The following COG4 variants were observed in gnomAD, a reference collection of about 807,000 sequenced individuals.
The protein encoded by COG4 is component of oligomeric golgi complex 4, also known as conserved oligomeric Golgi complex subunit 4.
A neutral mutation model predicts 95.1 loss-of-function variants in COG4; 65 were observed. The ratio of observed to expected loss-of-function variants is 0.68; its 90% CI spans 0.56 to 0.84. The LOEUF is 0.84. Ranked by LOEUF, COG4 falls within the 40% of genes least tolerant of loss-of-function variation. COG4 has a pLI of 0.00. For missense variants in COG4, 1,045 were observed against 989.1 expected, an observed-to-expected ratio of 1.06 and a Z score of -0.76; for synonymous variants, 421 against 374.8, an observed-to-expected ratio of 1.12 and a Z score of -1.42.
At chr16:70,496,092 A>G (rs1329054047) in intron 12 of COG4, among the ~76,000 whole-genome samples, 174 bp downstream of exon 12, 1 of 152,222 alleles carries the variant, frequency 6.6e-6, no homozygotes, top group Non-Finnish European at 1.5e-5. Context: ...GTCCCTGAGT[A>G]AGAAATAGTT....
chr16:70,505,197 C>CTTTTTT (rs767606425), intron 8 of COG4, among the ~76,000 whole-genome samples: 2 of 122,670 alleles, frequency 1.6e-5, no homozygotes, highest in Non-Finnish European at 3.4e-5. Flanking sequence ...TTTGGATTTT[C>CTTTTTT]TTTTTTTTTT....
At chr16:70,503,643 G>A (rs1463122182) in intron 8 of COG4, among the ~76,000 whole-genome samples, 1 of 119,136 alleles carries the variant, frequency 8.4e-6, no homozygotes, top group Non-Finnish European at 1.5e-5. Flanking sequence ...CGCCCAGGCT[G>A]GAGTGCAGTG....
intron 8 of COG4, chr16:70,501,320 G>T: frequency 1.8e-6 from 1 of 563,074 alleles, no homozygotes. Flanking sequence ...AATTCTGCCA[G>T]ACCTAAATAA....
intron 8 of COG4, among the ~76,000 whole-genome samples, chr16:70,502,406 C>T (rs1455791174): frequency 6.7e-6 from 1 of 150,134 alleles, no homozygotes; most frequent in East Asian, 2.0e-4. Context: ...ACCAGCCTAA[C>T]CTAACCAAAA....
chr16:70,514,430 A>G lies in COG4; in HGVS notation c.449T>C (p.Leu150Ser). 1 of 1,614,020 alleles carries G rather than the reference A, an allele frequency of 6.2e-7. No individual in the cohort carries two copies. The highest frequency in any genetic ancestry group is 8.5e-7 in the Non-Finnish European group (1 of 1,179,930). ...KFCMDGVQTA[L>S]RSEDYEQAAA... The stretch of plus-strand genomic sequence containing the variant: ...AGCCTGCTCATAATCTTCACTCCTC[A>G]AAGCAGTCTGAACTCCATCCATGCA... Residue 150 changes from leucine to serine, a missense_variant, in exon 4 of 19, where the codon TTG becomes TCG. Physicochemically the swap from Leu to Ser is moderately radical, Grantham distance 145. Coordinates refer to ENST00000323786, the MANE Select transcript of COG4 (RefSeq NM_015386.3).
Position 70,523,403 on chromosome 16 carries a change from C to G in COG4, c.141G>C (p.Glu47Asp). Residue 47 changes from glutamate (E) to aspartate (D), a missense_variant, in exon 1 of 19, where the codon GAG (glutamate) becomes GAC (aspartate). Transcript: ENST00000323786. Reference protein sequence around the residue: ...IRSLTELQELEAVYERLCGEE... With the variant: ...IRSLTELQELDAVYERLCGEE... ...CGCCGCAGAGCCGTTCGTATACAGC[C>G]TCCAGCTCCTGCAGCTCTGTCAGGG... 6.2e-7 allele frequency: 1 copy of G among 1,614,198 alleles called. No homozygotes were observed. Among genetic ancestry groups the G allele is most frequent in the East Asian group, 2.2e-5 (1 of 44,890 alleles).
At chr16:70,493,363 G>A (rs1448373311) in intron 12 of COG4, among the ~76,000 whole-genome samples, 1 of 151,878 alleles carries the variant, frequency 6.6e-6, no homozygotes, top group East Asian at 1.9e-4. Flanking sequence ...AGCCATGTGT[G>A]GCTATTGAGC....
Position 70,497,183 on chromosome 16 carries a change from C to G in COG4, c.1481+38G>C, listed in dbSNP as rs192459602. The G allele has an allele frequency of 3.1e-5, 50 of 1,603,272 alleles. 1 individual carries two copies. The African/African-American group carries it at 4.1e-4, about 13-fold the overall frequency. On this transcript the variant is annotated intron_variant, in intron 11 of 18. Transcript: ENST00000323786. ...GGGCCTCAGGAATCAACAGGAAGGG[C>G]CTTTCTGCCTAGAAAGGAGAAAGGG... is the stretch of plus-strand genomic sequence containing the variant.
chr16:70,483,993 AC>A, intron 13 of COG4, 24 bp from the exon 14 acceptor site: 2 of 1,543,692 alleles, frequency 1.3e-6, no homozygotes, highest in Middle Eastern at 1.7e-4. Context: ...CTGCTGTAAG[AC>A]CACCGAGCAC....
In COG4 at chr16:70,523,343, C is replaced by A. The variant is rs771136358; in HGVS notation, c.171+30G>T. ...AAGGCTCCCACTCTCCCTAGATCCT[C>A]CATGAAAAAGAAGAGGCTCGACCCC... is the stretch of plus-strand genomic sequence containing the variant. On this transcript the variant is annotated intron_variant, in intron 1 of 18. Transcript: ENST00000323786. 8.1e-6 allele frequency: 13 copies of A among 1,613,572 alleles called. No homozygotes were observed. In the South Asian group the frequency reaches 1.4e-4, roughly 18 times the overall value.
Position 70,523,388 on chromosome 16 carries a change from C to A in COG4, c.156G>T (p.Arg52=). ...GACCCCGCACCTCCTCGCCGCAGAG[C>A]CGTTCGTATACAGCCTCCAGCTCCT... ...ELQELEAVYE[R]LCGEEKVVER... The change falls in exon 1 of 19, where the codon CGG becomes CGT. Residue 52 remains arginine (R), a synonymous_variant. Transcript: ENST00000323786. 1 of 1,614,186 alleles carries A rather than the reference C, an allele frequency of 6.2e-7. No individual in the cohort carries two copies. The highest frequency in any genetic ancestry group is 8.5e-7 in the Non-Finnish European group (1 of 1,180,036).
In COG4 at chr16:70,501,105, A is replaced by G; in HGVS notation, c.1062-14T>C. ...GGGTCCAGTTCTCTGAGACACATGG[A>G]GCAGAAGGAATAGGACGACAATGGA... On this transcript the variant is annotated splice_polypyrimidine_tract_variant and intron_variant, in intron 8 of 18. Coordinates refer to ENST00000323786, the MANE Select transcript of COG4 (RefSeq NM_015386.3). The G allele has an allele frequency of 6.2e-7, 1 of 1,612,242 alleles. No homozygotes were observed. Among genetic ancestry groups the G allele is most frequent in the South Asian group, 1.1e-5 (1 of 91,070 alleles).
At position 70,480,922 on chromosome 16, in the gene COG4, G is replaced by A; in HGVS notation, c.*88C>T. 2 of 1,510,882 alleles carry A rather than the reference G, an allele frequency of 1.3e-6. No homozygotes were observed. Among genetic ancestry groups the A allele is most frequent in the Non-Finnish European group, 1.8e-6 (2 of 1,098,574 alleles). The allele number at this position is 1,510,882 out of a possible 1,614,324, so 93.6% of individuals were successfully genotyped here. A position where few individuals can be genotyped will look rare whatever the true frequency, so the allele number is the denominator to read the frequency against. On this transcript the variant is annotated 3_prime_UTR_variant, in exon 19 of 19. Transcript: ENST00000323786. ...GTCTGGGCTGTCAGATCTCCCCCAAGCCAGACAGCCTCGCTCAGCTCCTTG... is the reference window on the plus strand; with the variant it reads ...GTCTGGGCTGTCAGATCTCCCCCAAACCAGACAGCCTCGCTCAGCTCCTTG...
chr16:70,483,238 A>C (rs1423269614), intron 14 of COG4, among the ~76,000 whole-genome samples: 2 of 22,520 alleles, frequency 8.9e-5, no homozygotes, highest in Non-Finnish European at 1.5e-4. Flanking sequence ...TCCTCTCCCC[A>C]CCGCATCCCC....
chr16:70,501,075 G>T lies in COG4; in HGVS notation c.1078C>A (p.Leu360Met). 1 of 1,613,672 alleles carries T rather than the reference G, an allele frequency of 6.2e-7. No homozygotes were observed. Among genetic ancestry groups the T allele is most frequent in the Non-Finnish European group, 8.5e-7 (1 of 1,180,024 alleles). The change falls in exon 9 of 19, where the codon CTG (leucine) becomes ATG (methionine). Residue 360 changes from leucine (L) to methionine (M), a missense_variant. By Grantham distance (15) the Leu-to-Met change is conservative. Transcript: ENST00000323786. ...GCATTCATCAGGGTGACCTCAGTCA[G>T]GATGGGGTCCAGTTCTCTGAGACAC... ...KIEPRELDPI[L>M]TEVTLMNARS...
At chr16:70,512,745 C>T (rs951591434) in intron 4 of COG4, among the ~76,000 whole-genome samples, 2 of 152,136 alleles carry the variant, frequency 1.3e-5, no homozygotes, top group African/African-American at 2.4e-5. Context: ...TTTGGAAGGC[C>T]GAGATGGCTG....
rs1445631357 is a variant in COG4 at position 70,496,409 on chromosome 16, G to A, written c.1504C>T (p.Arg502Trp). 7.4e-6 allele frequency: 12 copies of A among 1,614,034 alleles called. No homozygotes were observed. The highest frequency in any genetic ancestry group is 5.3e-5 in the African/African-American group (4 of 74,914). ...AAGGTGGTGGCAGGAAAGCCCATCC[G>A]CAGCTTATTACACAGAACATCCCTG... ...DFRDVLCNKL[R>W]MGFPATTFQD... Residue 502 changes from arginine to tryptophan, a missense_variant, in exon 12 of 19, where the codon CGG becomes TGG. Coordinates refer to ENST00000323786, the MANE Select transcript of COG4 (RefSeq NM_015386.3).
intron 9 of COG4, among the ~76,000 whole-genome samples, chr16:70,499,591 A>G (rs565349966): frequency 1.9e-4 from 29 of 152,190 alleles, no homozygotes; most frequent in Admixed American, 2.6e-4. Context: ...AGCCAGCAGG[A>G]ATTAAATGGT....
At chr16:70,522,766 TGGAGAA>T (rs2049977171) in intron 1 of COG4, among the ~76,000 whole-genome samples, 1 of 152,162 alleles carries the variant, frequency 6.6e-6, no homozygotes, top group African/African-American at 2.4e-5. Context: ...TGAAAGGAAT[TGGAGAA>T]TAGTCCACAC....
Sources: gnomAD v4.1 joint callset for allele counts (sites outside exome capture counted in the v4.1 genomes callset) on GRCh38, gnomAD v4.1.1 for gene constraint, MANE v1.5 for transcripts, NCBI Gene and HGNC (gene_info 2026-07-23, HGNC 2026-07-21) for gene names.